The following CRAMP1 variants were observed in gnomAD, a reference collection of about 807,000 sequenced individuals.
CRAMP1 encodes protein cramped-like.
A neutral mutation model predicts 115.4 loss-of-function variants in CRAMP1; 50 were observed. The ratio of observed to expected loss-of-function variants is 0.43; its 90% CI spans 0.35 to 0.55. CRAMP1 has a LOEUF of 0.55. Among genes scored for constraint, CRAMP1 ranks in the 20% least tolerant of loss-of-function variants. The pLI is 0.01. For missense variants in CRAMP1, 1,679 were observed against 1,721.7 expected, an observed-to-expected ratio of 0.98 and a Z score of 0.44; for synonymous variants, 866 against 745.4, an observed-to-expected ratio of 1.16 and a Z score of -2.64.
intron 13 of CRAMP1, among the ~76,000 whole-genome samples, chr16:1,663,302 A>T (rs2036848330): frequency 6.6e-6 from 1 of 152,224 alleles, no homozygotes; most frequent in Admixed American, 6.5e-5. Flanking sequence ...ATAAAAATAC[A>T]GAAAGTGAGG....
At position 1,667,957 on chromosome 16, in the gene CRAMP1, A is replaced by G. The variant is rs1467936274; in HGVS notation, c.3103-5A>G. 3 of 1,587,628 alleles carry G rather than the reference A, an allele frequency of 1.9e-6. No homozygotes were observed. The highest frequency in any genetic ancestry group is 1.7e-6 in the Non-Finnish European group (2 of 1,161,686). On this transcript the variant is annotated splice_polypyrimidine_tract_variant and splice_region_variant and intron_variant, in intron 17 of 20. Coordinates refer to ENST00000397412, the MANE Select transcript of CRAMP1 (RefSeq NM_020825.4). Reference sequence around the variant, plus strand: ...TGTGTCTGAAAAATACCTGTCTCCCAGCAGGGCTCATCTGTTCTCTCCTTA... The same window carrying G: ...TGTGTCTGAAAAATACCTGTCTCCCGGCAGGGCTCATCTGTTCTCTCCTTA...
chr16:1,644,089 G>A (rs1370648955), intron 6 of CRAMP1, among the ~76,000 whole-genome samples: 2 of 152,222 alleles, frequency 1.3e-5, no homozygotes, highest in African/African-American at 4.8e-5. Flanking sequence ...TGTAGCCAAG[G>A]ATTTTGGCAA....
intron 6 of CRAMP1, among the ~76,000 whole-genome samples, chr16:1,643,268 C>T (rs995259537): frequency 6.6e-5 from 10 of 152,054 alleles, no homozygotes; most frequent in African/African-American, 2.4e-4. Flanking sequence ...GTTGCCCAGG[C>T]GTAGTGGCTC....
At chr16:1,659,721 C>T (rs1162145763) in intron 10 of CRAMP1, among the ~76,000 whole-genome samples, 165 bp from the exon 11 acceptor site, 1 of 152,194 alleles carries the variant, frequency 6.6e-6, no homozygotes, top group African/African-American at 2.4e-5. Flanking sequence ...AGCTGCCAAG[C>T]GACTCTGGGG....
chr16:1,632,635 G>A, intron 4 of CRAMP1, among the ~76,000 whole-genome samples: 1 of 152,378 alleles, frequency 6.6e-6, no homozygotes, highest in Middle Eastern at 3.4e-3. Context: ...CAGTGGCTCT[G>A]AGTGTGCGTG....
intron 7 of CRAMP1, 141 bp from the exon 8 acceptor site, chr16:1,652,892 C>A: frequency 9.7e-7 from 1 of 1,025,914 alleles, no homozygotes; most frequent in Non-Finnish European, 1.4e-6. Flanking sequence ...TTCTTCTTCG[C>A]TGGGGTTTCT....
chr16:1,616,818 CTTT>C (rs1008931996), intron 2 of CRAMP1, among the ~76,000 whole-genome samples: 5 of 144,876 alleles, frequency 3.5e-5, no homozygotes, highest in African/African-American at 2.5e-5. Flanking sequence ...GCAAATATAT[CTTT>C]TTTTTTTTTT....
chr16:1,617,381 T>C (rs1202173591), intron 2 of CRAMP1, among the ~76,000 whole-genome samples: 1 of 152,210 alleles, frequency 6.6e-6, no homozygotes, highest in Admixed American at 6.5e-5. Flanking sequence ...TTGCTTCCAT[T>C]ACCCGTCAGA....
chr16:1,622,835 C>G (rs954348470), intron 2 of CRAMP1, among the ~76,000 whole-genome samples: 4 of 150,706 alleles, frequency 2.7e-5, no homozygotes, highest in Non-Finnish European at 4.4e-5. Context: ...GATCTCAGCT[C>G]ACTGCAACCT....
chr16:1,653,419 T>C (rs2036741000), intron 8 of CRAMP1, among the ~76,000 whole-genome samples: 1 of 152,200 alleles, frequency 6.6e-6, no homozygotes, highest in Non-Finnish European at 1.5e-5. Context: ...AGAGCCTTCC[T>C]TTCGTCCCCC....
intron 4 of CRAMP1, among the ~76,000 whole-genome samples, chr16:1,632,579 C>G (rs552727597): frequency 1.3e-5 from 2 of 152,384 alleles, no homozygotes; most frequent in Admixed American, 1.3e-4. Flanking sequence ...ATCCCATGCT[C>G]CAGGGTTCTT....
chr16:1,665,631 G>A (rs1309351302), intron 14 of CRAMP1: 1 of 215,316 alleles, frequency 4.6e-6, no homozygotes, highest in African/African-American at 2.3e-5. Flanking sequence ...CTGACTTATT[G>A]CAAGACCCTT....
intron 2 of CRAMP1, among the ~76,000 whole-genome samples, chr16:1,618,469 G>A (rs2036439514): frequency 6.6e-6 from 1 of 152,126 alleles, no homozygotes; most frequent in Non-Finnish European, 1.5e-5. Flanking sequence ...GAATGCTGGT[G>A]CTCTGCTGGG....
chr16:1,639,978 C>T (rs1352262285), intron 5 of CRAMP1, among the ~76,000 whole-genome samples: 3 of 152,200 alleles, frequency 2.0e-5, no homozygotes, highest in Non-Finnish European at 4.4e-5. Flanking sequence ...TCCCAGGCTT[C>T]CAACCCTTCA....
At chr16:1,622,750 CT>C (rs2036475689) in intron 2 of CRAMP1, among the ~76,000 whole-genome samples, 1 of 144,634 alleles carries the variant, frequency 6.9e-6, no homozygotes, top group South Asian at 2.2e-4. Context: ...GCCCGGCAGT[CT>C]ACTTTTTTTT....
chr16:1,673,847 G>A (rs368166815), intron 20 of CRAMP1, 34 bp from the exon 21 acceptor site: 40 of 1,610,450 alleles, frequency 2.5e-5, no homozygotes, highest in African/African-American at 2.1e-4. Flanking sequence ...AGCAGGTCGC[G>A]GTGACTTGTT....
intron 2 of CRAMP1, among the ~76,000 whole-genome samples, chr16:1,625,307 G>A (rs1396791469): frequency 6.6e-6 from 1 of 152,182 alleles, no homozygotes; most frequent in Non-Finnish European, 1.5e-5. Flanking sequence ...CCTCCTCGGG[G>A]TCGTCTTGGG....
chr16:1,658,094 C>T (rs1371408659), intron 10 of CRAMP1, among the ~76,000 whole-genome samples: 3 of 152,202 alleles, frequency 2.0e-5, no homozygotes, highest in Non-Finnish European at 4.4e-5. Context: ...TTTTTTTCCG[C>T]TCCCACCCCC....
chr16:1,615,132 G>A, intron 2 of CRAMP1, 147 bp downstream of exon 2: 1 of 411,516 alleles, frequency 2.4e-6, no homozygotes, highest in Non-Finnish European at 4.1e-6. Context: ...GGCACTTATG[G>A]GGCATGTGTC....
Sources: gnomAD v4.1 joint callset for allele counts (sites outside exome capture counted in the v4.1 genomes callset) on GRCh38, gnomAD v4.1.1 for gene constraint, MANE v1.5 for transcripts, NCBI Gene and HGNC (gene_info 2026-07-23, HGNC 2026-07-21) for gene names.